KLC1: variants seen among roughly 807,000 people sequenced by gnomAD.
The protein encoded by KLC1 is kinesin light chain 1, also known as kinesin 2 60/70kDa.
Under a neutral mutation model 84.2 loss-of-function variants are expected in KLC1, and 30 were observed. The ratio of observed to expected loss-of-function variants is 0.36; its 90% CI spans 0.27 to 0.48. The LOEUF (loss-of-function observed/expected upper bound fraction) is 0.48. Ranked by LOEUF, KLC1 falls within the 20% of genes least tolerant of loss-of-function variation. The probability of loss-of-function intolerance (pLI) is 0.99; values close to 1 mark genes in which losing one functional copy is unlikely to be tolerated. For synonymous variants in KLC1, 289 were observed against 293.3 expected (o/e 0.99, Z 0.15); for missense variants, 499 against 805.4 (o/e 0.62, Z 4.60).
chr14:103,683,296 A>T (rs952484422), intron 13 of KLC1: 1 of 152,162 alleles, frequency 6.6e-6, no homozygotes, highest in Non-Finnish European at 1.5e-5. Flanking sequence ...CTTTAGGTAC[A>T]CACGGTAGGG....
intron 2 of KLC1, among the ~76,000 whole-genome samples, chr14:103,656,216 G>C (rs1479947772): frequency 6.6e-6 from 1 of 152,188 alleles, no homozygotes; most frequent in Non-Finnish European, 1.5e-5. Flanking sequence ...GCTGTACCTG[G>C]GTGAGTGGGA....
intron 1 of KLC1, among the ~76,000 whole-genome samples, chr14:103,634,163 C>T (rs1165494855): frequency 1.3e-5 from 2 of 152,198 alleles, no homozygotes; most frequent in Non-Finnish European, 2.9e-5. Context: ...GCCACCGTGC[C>T]TGGCCAATAC....
chr14:103,665,569 G>A (rs1252348944), intron 5 of KLC1, among the ~76,000 whole-genome samples: 1 of 151,804 alleles, frequency 6.6e-6, no homozygotes, highest in African/African-American at 2.4e-5. Context: ...CAAGTAGCTG[G>A]GATTACAGAC....
In KLC1 at chr14:103,700,488, C is replaced by T. The variant is rs185075069; in HGVS notation, c.1849-167C>T. 788 of 556,320 alleles carry T rather than the reference C, an allele frequency of 1.4e-3. 5 individuals carry two copies. Among genetic ancestry groups the T allele is most frequent in the African/African-American group, 0.012 (601 of 50,662 alleles). 34.5% of individuals were successfully genotyped at this position (556,320 alleles called of 1,614,324 possible). Reference sequence around the variant, plus strand: ...ACCAAGCAGTGTAGTTCAGGCCCCACGGGCCTTGCCAGCAGCTCTGGCCAG... The same window carrying T: ...ACCAAGCAGTGTAGTTCAGGCCCCATGGGCCTTGCCAGCAGCTCTGGCCAG... On this transcript the variant is annotated intron_variant, in intron 15 of 16. Coordinates refer to ENST00000334553, the MANE Select transcript of KLC1 (RefSeq NM_001394837.1).
intron 1 of KLC1, among the ~76,000 whole-genome samples, chr14:103,633,452 G>A (rs1487062672): frequency 6.6e-6 from 1 of 152,128 alleles, no homozygotes; most frequent in Non-Finnish European, 1.5e-5. Flanking sequence ...GGTTAATTAG[G>A]AAGCCATTAA....
At chr14:103,642,832 A>G (rs1341073964) in intron 1 of KLC1, among the ~76,000 whole-genome samples, 1 of 145,350 alleles carries the variant, frequency 6.9e-6, no homozygotes, top group Non-Finnish European at 1.5e-5. Context: ...CAGTGGCGTG[A>G]TCTCGGCTCA....
Position 103,646,426 on chromosome 14 carries a change from A to G in KLC1, c.-1-8138A>G, listed in dbSNP as rs181566081. ...AGCCATCTTCCCACTTCAGCCTCTCAAGTAGTTGGGAGTACAGGCACATAC... is the reference window on the plus strand; with the variant it reads ...AGCCATCTTCCCACTTCAGCCTCTCGAGTAGTTGGGAGTACAGGCACATAC... On this transcript the variant is annotated intron_variant, in intron 1 of 16. Transcript: ENST00000334553. 3.1e-3 allele frequency among the ~76,000 whole-genome samples: 464 copies of G among 152,110 alleles called. 2 individuals carry two copies. Among genetic ancestry groups the G allele is most frequent in the African/African-American group, 0.011 (444 of 41,502 alleles).
chr14:103,629,785 C>G (rs894753799), intron 1 of KLC1, among the ~76,000 whole-genome samples: 6 of 152,096 alleles, frequency 3.9e-5, no homozygotes, highest in African/African-American at 1.4e-4. Context: ...ACTGCAGGTT[C>G]CGGTCCCCGG....
chr14:103,696,892 T>G (rs2082572119), intron 15 of KLC1: 2 of 985,168 alleles, frequency 2.0e-6, no homozygotes, highest in African/African-American at 3.5e-5. Flanking sequence ...GTTCTGGGAC[T>G]GACTGCCAGG....
At chr14:103,632,590 G>T (rs1009811568) in intron 1 of KLC1, among the ~76,000 whole-genome samples, 1 of 151,884 alleles carries the variant, frequency 6.6e-6, no homozygotes, top group Non-Finnish European at 1.5e-5. Flanking sequence ...GTGTGGTGGC[G>T]GGTGCCTCTA....
intron 1 of KLC1, among the ~76,000 whole-genome samples, chr14:103,633,629 A>T (rs966957107): frequency 2.6e-5 from 4 of 151,562 alleles, no homozygotes; most frequent in Non-Finnish European, 5.9e-5. Context: ...TCCTGTGAAA[A>T]CCTGAGTCAC....
intron 5 of KLC1, among the ~76,000 whole-genome samples, chr14:103,663,675 C>G (rs1009466009): frequency 1.3e-5 from 2 of 152,162 alleles, no homozygotes; most frequent in Admixed American, 1.3e-4. Flanking sequence ...ACCCTTTCAC[C>G]CCTGTTGAAG....
At chr14:103,649,767 C>T (rs933398279) in intron 1 of KLC1, among the ~76,000 whole-genome samples, 5 of 151,430 alleles carry the variant, frequency 3.3e-5, no homozygotes, top group African/African-American at 1.2e-4. Flanking sequence ...GCCATCTCGG[C>T]TCACTGCAAG....
chr14:103,695,847 C>T (rs968162904), intron 15 of KLC1: 18 of 985,206 alleles, frequency 1.8e-5, no homozygotes, highest in Non-Finnish European at 1.9e-5. Flanking sequence ...AAGGAAGGTT[C>T]GTGTTTCAGA....
At chr14:103,696,371 G>A in intron 15 of KLC1, 1 of 985,418 alleles carries the variant, frequency 1.0e-6, no homozygotes, top group Non-Finnish European at 1.2e-6. Context: ...CAGTATTGGA[G>A]GGATTCACAT....
chr14:103,698,418 G>A (rs1034510580), intron 15 of KLC1: 5 of 319,136 alleles, frequency 1.6e-5, no homozygotes, highest in South Asian at 1.4e-4. Context: ...CCAGCCCAGG[G>A]GGCAGGCCTC....
intron 7 of KLC1, among the ~76,000 whole-genome samples, chr14:103,670,544 C>T (rs1486090135): frequency 2.6e-5 from 4 of 151,772 alleles, no homozygotes; most frequent in African/African-American, 7.3e-5. Flanking sequence ...ACCATGTTGG[C>T]CAGGATGTTC....
At chr14:103,661,129 G>A (rs2079249139) in intron 3 of KLC1, among the ~76,000 whole-genome samples, 2 of 152,108 alleles carry the variant, frequency 1.3e-5, no homozygotes, top group South Asian at 2.1e-4. Flanking sequence ...TTTCCCTAGG[G>A]TGAGGGGTTC....
intron 6 of KLC1, 86 bp downstream of exon 6, chr14:103,669,684 A>C: frequency 7.1e-5 from 68 of 959,908 alleles, no homozygotes; most frequent in Non-Finnish European, 1.0e-4. Flanking sequence ...CATTAAACTC[A>C]ACAGGGAAAG....
Sources: gnomAD v4.1 joint callset for allele counts (sites outside exome capture counted in the v4.1 genomes callset) on GRCh38, gnomAD v4.1.1 for gene constraint, MANE v1.5 for transcripts, NCBI Gene and HGNC (gene_info 2026-07-23, HGNC 2026-07-21) for gene names.